LYRM4: variants seen among roughly 807,000 people sequenced by gnomAD.
The protein encoded by LYRM4 is LYR motif containing 4, also known as LYR motif-containing protein 4.
A neutral mutation model predicts 11.7 loss-of-function variants in LYRM4; 9 were observed. The observed-to-expected ratio is 0.77, with a 90% CI of 0.46 to 1.34. LYRM4 has a LOEUF of 1.34. LYRM4 is among the 40% of genes most tolerant of loss of function. The pLI, the probability that LYRM4 is intolerant of heterozygous loss-of-function variation, is 0.00. For synonymous variants in LYRM4, 42 were observed against 40.4 expected (o/e 1.04, Z -0.15); for missense variants, 133 against 112.5 (o/e 1.18, Z -0.82).
intron 2 of LYRM4, among the ~76,000 whole-genome samples, chr6:5,122,323 T>C (rs1364331087): frequency 6.6e-6 from 1 of 152,132 alleles, no homozygotes; most frequent in Non-Finnish European, 1.5e-5. Flanking sequence ...GCGGGTAGCA[T>C]TGAGATGTCA....
At chr6:5,137,208 G>A (rs997201682) in intron 2 of LYRM4, among the ~76,000 whole-genome samples, 3 of 152,174 alleles carry the variant, frequency 2.0e-5, no homozygotes, top group Non-Finnish European at 4.4e-5. Context: ...TTTATTGTAT[G>A]GCTATACCAC....
At chr6:5,155,268 C>T (rs1249203626) in intron 2 of LYRM4, among the ~76,000 whole-genome samples, 2 of 151,976 alleles carry the variant, frequency 1.3e-5, no homozygotes, top group Non-Finnish European at 2.9e-5. Context: ...TTAGTAGAGA[C>T]GGGGGTTTCA....
the LYRM4 span, among the ~76,000 whole-genome samples, chr6:5,079,737 T>C: frequency 6.6e-6 from 1 of 152,244 alleles, no homozygotes; most frequent in Non-Finnish European, 1.5e-5. Context: ...CCAGTCTCCC[T>C]ATCCTGGGAA....
At chr6:5,043,161 C>T in the LYRM4 span, 1 of 152,168 alleles carries the variant, frequency 6.6e-6, no homozygotes, top group Non-Finnish European at 1.5e-5. Flanking sequence ...TTACTGACTT[C>T]TCAGATAATA....
intron 1 of LYRM4, among the ~76,000 whole-genome samples, chr6:5,248,906 A>G (rs1201468437): frequency 3.3e-5 from 5 of 152,360 alleles, no homozygotes; most frequent in African/African-American, 1.2e-4. Context: ...TACCCAATAA[A>G]TGTTTGCTGA....
intron 2 of LYRM4, among the ~76,000 whole-genome samples, chr6:5,175,673 C>T (rs1759674177): frequency 6.6e-6 from 1 of 152,182 alleles, no homozygotes; most frequent in Non-Finnish European, 1.5e-5. Context: ...TGTTCCCACA[C>T]TTTGAATCTG....
intron 2 of LYRM4, among the ~76,000 whole-genome samples, chr6:5,214,145 A>G (rs1054406247): frequency 6.6e-6 from 1 of 152,240 alleles, no homozygotes; most frequent in African/African-American, 2.4e-5. Flanking sequence ...GAGAAAATAG[A>G]CAAGGCCACA....
chr6:5,136,804 C>T (rs1757123940), intron 2 of LYRM4: 1 of 985,276 alleles, frequency 1.0e-6, no homozygotes, highest in Admixed American at 6.1e-5. Context: ...ACAGAAGAAA[C>T]TCTGGTCTCT....
chr6:5,065,906 C>A, the LYRM4 span: 1 of 222,248 alleles, frequency 4.5e-6, no homozygotes, highest in Non-Finnish European at 9.4e-6. Context: ...GTTATTTTCT[C>A]TTCTTCCTTT....
At chr6:5,125,384 G>A (rs1250957107) in intron 2 of LYRM4, among the ~76,000 whole-genome samples, 1 of 152,206 alleles carries the variant, frequency 6.6e-6, no homozygotes, top group East Asian at 1.9e-4. Context: ...TAGGCAGCCG[G>A]GATGGAGCCC....
At chr6:5,233,885 G>C (rs1763384375) in intron 1 of LYRM4, among the ~76,000 whole-genome samples, 1 of 152,208 alleles carries the variant, frequency 6.6e-6, no homozygotes, top group Non-Finnish European at 1.5e-5. Context: ...TCCCTGTGCT[G>C]GGTCACGGTC....
At chr6:5,216,571 A>C in intron 2 of LYRM4, 47 bp downstream of exon 2, 1 of 1,610,532 alleles carries the variant, frequency 6.2e-7, no homozygotes, top group Non-Finnish European at 8.5e-7. Context: ...AATATGTCGA[A>C]GTTTAAAGCT....
chr6:5,239,243 A>G (rs1763724922), intron 1 of LYRM4, among the ~76,000 whole-genome samples: 1 of 152,194 alleles, frequency 6.6e-6, no homozygotes. Context: ...GACTACGGTA[A>G]AGTAAGGGGA....
intron 2 of LYRM4, among the ~76,000 whole-genome samples, chr6:5,148,518 G>GGGGGGCAGAGTCAGAACTCT (rs1321881105): frequency 1.8e-5 from 1 of 54,384 alleles, no homozygotes; most frequent in Non-Finnish European, 3.9e-5. Context: ...AGCTGGGCTG[G>GGGGGGCAGAGTCAGAACTCT]GTATACGCCT....
chr6:5,054,816 C>G, the LYRM4 span, among the ~76,000 whole-genome samples: 1 of 152,202 alleles, frequency 6.6e-6, no homozygotes, highest in Non-Finnish European at 1.5e-5. Context: ...ACATTCCAAC[C>G]TGACTCTGGT....
At chr6:5,204,882 G>A (rs933142894) in intron 2 of LYRM4, among the ~76,000 whole-genome samples, 25 of 152,258 alleles carry the variant, frequency 1.6e-4, no homozygotes, top group African/African-American at 5.3e-4. Context: ...TTGTCTATTC[G>A]CAAAGATGCT....
At chr6:5,163,871 T>G (rs1561841724) in intron 2 of LYRM4, among the ~76,000 whole-genome samples, 3 of 152,126 alleles carry the variant, frequency 2.0e-5, no homozygotes, top group Non-Finnish European at 2.9e-5. Flanking sequence ...CCTCCCAAAG[T>G]GCCGGGATTA....
At chr6:5,200,628 C>T (rs1351307768) in intron 2 of LYRM4, among the ~76,000 whole-genome samples, 3 of 152,180 alleles carry the variant, frequency 2.0e-5, no homozygotes, top group East Asian at 1.9e-4. Flanking sequence ...ACAGCTTGCC[C>T]GGAGACTAGC....
Position 5,151,780 on chromosome 6 carries a change from G to A in LYRM4, c.208-42289C>T, listed in dbSNP as rs144174488. Among the ~76,000 whole-genome samples, 435 of 152,276 alleles carry A rather than the reference G, an allele frequency of 2.9e-3. 2 individuals carry two copies. The highest frequency in any genetic ancestry group is 9.9e-3 in the African/African-American group (413 of 41,546). On this transcript the variant is annotated intron_variant, in intron 2 of 2. Coordinates refer to ENST00000330636, the MANE Select transcript of LYRM4 (RefSeq NM_020408.6). The stretch of plus-strand genomic sequence containing the variant: ...GTGGGATAATAAAATCCACCTCACC[G>A]GATTACTGTCATAATTAAATTAAAA...
Sources: gnomAD v4.1 joint callset for allele counts (sites outside exome capture counted in the v4.1 genomes callset) on GRCh38, gnomAD v4.1.1 for gene constraint, MANE v1.5 for transcripts, NCBI Gene and HGNC (gene_info 2026-07-23, HGNC 2026-07-21) for gene names.